The following LLGL1 variants were observed in gnomAD, a reference collection of about 807,000 sequenced individuals.
LLGL1 encodes LLGL scribble cell polarity complex component 1.
A neutral mutation model predicts 110.6 loss-of-function variants in LLGL1; 58 were observed. The observed-to-expected ratio is 0.52, with a 90% CI of 0.42 to 0.65. The LOEUF is 0.65. LLGL1 is among the 30% of genes least tolerant of loss of function. LLGL1 has a pLI of 0.00. For synonymous variants in LLGL1, 674 were observed against 607.2 expected (o/e 1.11, Z -1.62); for missense variants, 1,229 against 1,462.1 (o/e 0.84, Z 2.60).
rs2047647286 is a variant in LLGL1, at chr17:18,234,566, G to A, written c.851-83G>A. The A allele has an allele frequency of 7.5e-6, 12 of 1,591,644 alleles. No individual in the cohort carries two copies. The South Asian group carries it at 1.2e-4, about 16-fold the overall frequency. On this transcript the variant is annotated intron_variant, in intron 7 of 22. Coordinates refer to ENST00000316843, the MANE Select transcript of LLGL1 (RefSeq NM_004140.4). Reference sequence around the variant, plus strand: ...GGAGGCAGGAGGCAGCTGTAAGGTAGAGAGCAGTGGAGGGCAGAGCAGGAA... The same window carrying A: ...GGAGGCAGGAGGCAGCTGTAAGGTAAAGAGCAGTGGAGGGCAGAGCAGGAA...
At chr17:18,228,604 C>A (rs1326095141) in intron 1 of LLGL1, among the ~76,000 whole-genome samples, 1 of 152,084 alleles carries the variant, frequency 6.6e-6, no homozygotes, top group Non-Finnish European at 1.5e-5. Flanking sequence ...GAAGCAGATG[C>A]TGGACAGTGC....
intron 2 of LLGL1, among the ~76,000 whole-genome samples, chr17:18,231,771 T>C (rs560492152): frequency 6.6e-6 from 1 of 152,336 alleles, no homozygotes; most frequent in Admixed American, 6.5e-5. Context: ...AGCAGTTCTC[T>C]GCCTCAGCCT....
rs1449701375 is a variant in LLGL1, at chr17:18,238,206, A to T, written c.2044A>T (p.Ser682Cys). 1.9e-6 allele frequency: 3 copies of T among 1,611,366 alleles called. No individual in the cohort carries two copies. The highest frequency in any genetic ancestry group is 1.6e-4 in the Middle Eastern group (1 of 6,062). Reference protein sequence around the residue: ...VSGKKRAANASSKLQEANAQL... With the variant: ...VSGKKRAANACSKLQEANAQL... ...TGGCAAGAAGCGGGCTGCTAATGCCAGCAGCAAGGTGAGCTGGGGTGGGCT... is the reference window on the plus strand; with the variant it reads ...TGGCAAGAAGCGGGCTGCTAATGCCTGCAGCAAGGTGAGCTGGGGTGGGCT... Residue 682 changes from serine (S) to cysteine (C), a missense_variant, in exon 15 of 23, where the codon AGC (serine) becomes TGC (cysteine). Physicochemically the swap from Ser to Cys is moderately radical, Grantham distance 112. Coordinates refer to ENST00000316843, the MANE Select transcript of LLGL1 (RefSeq NM_004140.4).
intron 14 of LLGL1, 108 bp downstream of exon 14, chr17:18,237,881 T>C (rs2047731527): frequency 4.4e-6 from 6 of 1,351,780 alleles, no homozygotes; most frequent in Non-Finnish European, 5.0e-6. Flanking sequence ...TAACCTCCAT[T>C]GCCCTATAAG....
intron 2 of LLGL1, among the ~76,000 whole-genome samples, chr17:18,232,170 C>G (rs910876477): frequency 6.6e-6 from 1 of 152,246 alleles, no homozygotes; most frequent in Non-Finnish European, 1.5e-5. Flanking sequence ...TGAGGCCAAG[C>G]CTGCTGGGTG....
chr17:18,228,142 C>G lies in LLGL1; in HGVS notation c.82-1799C>G, dbSNP rs544169396. Among the ~76,000 whole-genome samples, 551 of 152,300 alleles carry G rather than the reference C, an allele frequency of 3.6e-3. 2 individuals are homozygous for G. The Middle Eastern group carries it at 0.037, about 10-fold the overall frequency. ...GTGGCTGATATAGTTGTGCAGGAGA[C>G]AGTGAAAAGCCAAAACAAAAAAGTA... On this transcript the variant is annotated intron_variant, in intron 1 of 22. Transcript: ENST00000316843.
chr17:18,231,023 G>C (rs1453665864), intron 2 of LLGL1, among the ~76,000 whole-genome samples: 1 of 152,204 alleles, frequency 6.6e-6, no homozygotes, highest in African/African-American at 2.4e-5. Flanking sequence ...CCACTCCTGT[G>C]GGTGCTGCGC....
rs2047818180 is a variant in LLGL1 at position 18,240,977 on chromosome 17, CACT to C, written c.2502+105_2502+107del. ...AGAAACCCTTCCTGCCTGTATCCCCCACTGTTGGGACCCTAATTCCCTTGCACC... is the reference window on the plus strand; with the variant it reads ...AGAAACCCTTCCTGCCTGTATCCCCCGTTGGGACCCTAATTCCCTTGCACC... On this transcript the variant is annotated intron_variant, in intron 17 of 22. Coordinates refer to ENST00000316843, the MANE Select transcript of LLGL1 (RefSeq NM_004140.4). This position sits in a 1 kb window ranked among gnomAD's most constrained non-coding sequence, Gnocchi z 5.3. The C allele has an allele frequency of 1.6e-6, 2 of 1,221,480 alleles. No individual in the cohort carries two copies. Among genetic ancestry groups the C allele is most frequent in the Admixed American group, 5.7e-5 (2 of 34,972 alleles). 75.7% of individuals were successfully genotyped at this position (1,221,480 alleles called of 1,614,324 possible). A position where few individuals can be genotyped will look rare whatever the true frequency, so the allele number is the denominator to read the frequency against.
rs767307584 is a variant in LLGL1 at position 18,232,550 on chromosome 17, A to T, written c.235A>T (p.Thr79Ser). Residue 79 changes from threonine (T) to serine (S), a missense_variant, in exon 3 of 23, where the codon ACA becomes TCA. Coordinates refer to ENST00000316843, the MANE Select transcript of LLGL1 (RefSeq NM_004140.4). ...TGLHRDAATV[T>S]QMHFLTGQGR... ...CCTGCACCGGGATGCAGCCACTGTC[A>T]CACAGATGCACTTCTTGACCGGCCA... 1.2e-6 allele frequency: 2 copies of T among 1,614,132 alleles called. No individual in the cohort carries two copies. Among genetic ancestry groups the T allele is most frequent in the Non-Finnish European group, 1.7e-6 (2 of 1,179,990 alleles).
intron 4 of LLGL1, 113 bp from the exon 5 acceptor site, chr17:18,233,665 G>T: frequency 8.6e-7 from 1 of 1,159,464 alleles, no homozygotes; most frequent in South Asian, 1.5e-5. Flanking sequence ...AGTAGGCCCT[G>T]GTGAGTGCTG....
chr17:18,238,284 C>T (rs917282236), intron 15 of LLGL1, 70 bp downstream of exon 15: 4 of 1,597,184 alleles, frequency 2.5e-6, no homozygotes, highest in African/African-American at 2.7e-5. Context: ...GGCCTGGGAC[C>T]CCTGGGGCCT....
At chr17:18,241,126 C>T (rs1400518554) in intron 17 of LLGL1, 3 of 588,230 alleles carry the variant, frequency 5.1e-6, no homozygotes, top group Admixed American at 3.2e-5. Flanking sequence ...ACACAAGGCT[C>T]CTGTACTGGG....
chr17:18,242,486 G>T (rs2047863582), intron 20 of LLGL1, 22 bp from the exon 21 acceptor site: 2 of 1,613,616 alleles, frequency 1.2e-6, no homozygotes, highest in Non-Finnish European at 1.7e-6. Context: ...CCTGGTAGGG[G>T]CTGATGACTT....
rs924899923 is a variant in LLGL1, at chr17:18,237,316, G to C, written c.1612-165G>C. 5 of 680,074 alleles carry C rather than the reference G, an allele frequency of 7.4e-6. No individual in the cohort carries two copies. The African/African-American group carries it at 9.0e-5, about 12-fold the overall frequency. 42.1% of individuals were successfully genotyped at this position (680,074 alleles called of 1,614,324 possible). A position where few individuals can be genotyped will look rare whatever the true frequency, so the allele number is the denominator to read the frequency against. ...TTCCTTGTGCTCAGCCAGGGCCTTG[G>C]TATACAGTAGGCATTCAGTGAGTGC... On this transcript the variant is annotated intron_variant, in intron 13 of 22. Transcript: ENST00000316843.
intron 2 of LLGL1, among the ~76,000 whole-genome samples, chr17:18,230,599 A>T (rs770022632): frequency 2.6e-5 from 4 of 151,808 alleles, no homozygotes; most frequent in Non-Finnish European, 5.9e-5. Flanking sequence ...GGGTGGGGGC[A>T]GGCCGGCAGC....
At chr17:18,236,379 G>A (rs2142641629) in intron 11 of LLGL1, 1 of 540,056 alleles carries the variant, frequency 1.9e-6, no homozygotes, top group East Asian at 3.1e-5. Context: ...ACCTTGTTTG[G>A]TTTAAAGGCT....
At chr17:18,226,461 A>C (rs2047446110) in intron 1 of LLGL1, among the ~76,000 whole-genome samples, 1 of 151,954 alleles carries the variant, frequency 6.6e-6, no homozygotes, top group South Asian at 2.1e-4. Flanking sequence ...AAATCCCTTC[A>C]AGGAGCCTCT....
chr17:18,225,982 C>T (rs1260764779), intron 1 of LLGL1, among the ~76,000 whole-genome samples: 1 of 151,936 alleles, frequency 6.6e-6, no homozygotes, highest in Admixed American at 6.5e-5. Context: ...TCCGTGTCTG[C>T]TCCCCGAGTC....
In LLGL1 at chr17:18,230,027, G is replaced by A. The variant is rs779589211; in HGVS notation, c.168G>A (p.Gly56=). The A allele has an allele frequency of 2.5e-6, 4 of 1,610,800 alleles. No homozygotes were observed. Among genetic ancestry groups the A allele is most frequent in the African/African-American group, 2.7e-5 (2 of 74,900 alleles). Reference sequence around the variant, plus strand: ...TCATGGCCATCGGCACCAGGTCTGGGGCTGTCAAGATGTATCCTTTGCAGG... The same window carrying A: ...TCATGGCCATCGGCACCAGGTCTGGAGCTGTCAAGATGTATCCTTTGCAGG... The part of the protein sequence containing the change: ...LRIMAIGTRS[G]AVKIYGAPGV... Residue 56 remains glycine (G), a synonymous_variant, in exon 2 of 23, where the codon GGG becomes GGA. Transcript: ENST00000316843.
Sources: gnomAD v4.1 joint callset for allele counts (sites outside exome capture counted in the v4.1 genomes callset) on GRCh38, gnomAD v4.1.1 for gene constraint, Gnocchi (gnomAD v3.1) non-coding constraint, MANE v1.5 for transcripts, NCBI Gene and HGNC (gene_info 2026-07-23, HGNC 2026-07-21) for gene names.